CCDC69: variants seen among roughly 807,000 people sequenced by gnomAD.
CCDC69 encodes coiled-coil domain containing 69, also known as coiled-coil domain-containing protein 69.
Under a neutral mutation model 40.3 loss-of-function variants are expected in CCDC69, and 38 were observed. The observed-to-expected ratio is 0.94, with a 90% confidence interval of 0.73 to 1.24. CCDC69 has a LOEUF of 1.24. CCDC69 is among the 50% of genes most tolerant of loss of function. CCDC69 has a pLI of 0.00. For synonymous variants in CCDC69, 141 were observed against 138.9 expected (o/e 1.02, Z -0.11); for missense variants, 389 against 357.9 (o/e 1.09, Z -0.70).
chr5:151,191,584 C>T (rs1752611993), intron 4 of CCDC69, among the ~76,000 whole-genome samples: 1 of 152,188 alleles, frequency 6.6e-6, no homozygotes, highest in South Asian at 2.1e-4. Context: ...AATCTCCCAA[C>T]ACTTGGAAAT....
At chr5:151,202,191 A>T (rs1206784504) in intron 2 of CCDC69, among the ~76,000 whole-genome samples, 7 of 2,806 alleles carry the variant, frequency 2.5e-3, no homozygotes, top group Non-Finnish European at 7.7e-3. Flanking sequence ...CCCTATCTCT[A>T]AAAAAAAAAA....
intron 1 of CCDC69, among the ~76,000 whole-genome samples, chr5:151,221,403 CA>C (rs1466013461): frequency 7.2e-5 from 11 of 152,204 alleles, no homozygotes; most frequent in Admixed American, 7.2e-4. Context: ...CCTTCCAAAC[CA>C]CCCTTCCTCA....
chr5:151,219,625 G>C (rs1032884242), intron 1 of CCDC69, among the ~76,000 whole-genome samples: 7 of 152,084 alleles, frequency 4.6e-5, no homozygotes, highest in Non-Finnish European at 7.3e-5. Flanking sequence ...CATACTCTTA[G>C]CTTTATACAG....
chr5:151,219,843 T>A (rs886337802), intron 1 of CCDC69, among the ~76,000 whole-genome samples: 1 of 152,136 alleles, frequency 6.6e-6, no homozygotes, highest in African/African-American at 2.4e-5. Flanking sequence ...GTCGTAGGTT[T>A]GCATCCCCTC....
At chr5:151,218,420 A>C (rs1753084113) in intron 1 of CCDC69, among the ~76,000 whole-genome samples, 1 of 152,220 alleles carries the variant, frequency 6.6e-6, no homozygotes, top group South Asian at 2.1e-4. Flanking sequence ...GTGTGGACGG[A>C]AGCCCAAGTA....
intron 1 of CCDC69, among the ~76,000 whole-genome samples, chr5:151,207,226 A>C (rs1752865192): frequency 6.8e-6 from 1 of 146,292 alleles, no homozygotes; most frequent in African/African-American, 2.5e-5. Flanking sequence ...CCAAATGAGT[A>C]ATATTTTTTA....
chr5:151,204,607 T>C (rs937182232), intron 2 of CCDC69, among the ~76,000 whole-genome samples: 3 of 152,236 alleles, frequency 2.0e-5, no homozygotes, highest in Non-Finnish European at 2.9e-5. Context: ...AGGCTCATCT[T>C]TCTTCTCCAT....
chr5:151,189,579 T>G (rs1390684230), intron 4 of CCDC69, among the ~76,000 whole-genome samples: 1 of 147,972 alleles, frequency 6.8e-6, no homozygotes, highest in Non-Finnish European at 1.5e-5. Flanking sequence ...AAAAAAAAAA[T>G]TGAAGAAAGA....
chr5:151,187,828 G>C (rs423930), intron 4 of CCDC69, among the ~76,000 whole-genome samples: 96,599 of 152,054 alleles, frequency 0.64, 31,318 homozygotes, highest in Admixed American at 0.76. Flanking sequence ...CTGGATTAGC[G>C]AAATCACAAA....
At chr5:151,209,009 C>T (rs1752890890) in intron 1 of CCDC69, among the ~76,000 whole-genome samples, 1 of 152,224 alleles carries the variant, frequency 6.6e-6, no homozygotes. Context: ...AAGACACTGT[C>T]ACACTGTGCC....
At chr5:151,201,250 C>T (rs1167902803) in intron 3 of CCDC69, among the ~76,000 whole-genome samples, 1 of 152,168 alleles carries the variant, frequency 6.6e-6, no homozygotes, top group Non-Finnish European at 1.5e-5. Flanking sequence ...CTTTCTATAA[C>T]GCATCAGCCA....
intron 4 of CCDC69, among the ~76,000 whole-genome samples, chr5:151,194,764 G>A (rs55725441): frequency 0.013 from 2,004 of 152,002 alleles, 40 homozygotes; most frequent in African/African-American, 0.045. Flanking sequence ...ATAGTGGCAC[G>A]TGCCTGTAAT....
At chr5:151,209,173 T>C (rs555270429) in intron 1 of CCDC69, among the ~76,000 whole-genome samples, 1 of 152,348 alleles carries the variant, frequency 6.6e-6, no homozygotes, top group South Asian at 2.1e-4. Context: ...ATGCCTCGGA[T>C]TTCTCATGAG....
At chr5:151,223,883 C>G (rs248461) in intron 1 of CCDC69, 40 bp downstream of exon 1, 438,260 of 1,581,822 alleles carry the variant, frequency 0.28, 63,725 homozygotes, top group East Asian at 0.45. Context: ...CCGCACTCCC[C>G]TCTCCTCTGA....
In CCDC69 at chr5:151,208,911, A is replaced by T. The variant is rs34652918; in HGVS notation, c.49-3436T>A. ...TTAACTGGATGATCCCATAGTGTTC[A>T]AACTCTAAGCTCTCATCTCAGCTCC... On this transcript the variant is annotated intron_variant, in intron 1 of 8. Transcript: ENST00000355417. Among the ~76,000 whole-genome samples the T allele has an allele frequency of 7.8e-3, 1,184 of 152,296 alleles. 6 individuals are homozygous for T. The highest frequency in any genetic ancestry group is 0.013 in the Non-Finnish European group (908 of 68,020).
chr5:151,186,036 T>A lies in CCDC69; in HGVS notation c.482A>T (p.Lys161Met), dbSNP rs1752504364. 6.2e-7 allele frequency: 1 copy of A among 1,613,520 alleles called. No homozygotes were observed. Among genetic ancestry groups the A allele is most frequent in the African/African-American group, 1.3e-5 (1 of 74,900 alleles). Residue 161 changes from lysine (K) to methionine (M), a missense_variant, in exon 6 of 9, where the codon AAG (lysine) becomes ATG (methionine). Transcript: ENST00000355417. ...VEESILSRNY[K>M]KHIQDYGSPS... is the part of the protein sequence containing the mutation. Reference sequence around the variant, plus strand: ...GCTGCCACCTACCTGGATATGTTTCTTATAGTTTCGGCTCAGAATGGACTC... The same window carrying A: ...GCTGCCACCTACCTGGATATGTTTCATATAGTTTCGGCTCAGAATGGACTC...
Position 151,183,368 on chromosome 5 carries a change from T to C in CCDC69, c.*69A>G. On this transcript the variant is annotated 3_prime_UTR_variant, in exon 9 of 9. Transcript: ENST00000355417. The stretch of plus-strand genomic sequence containing the variant: ...TGGAAAAGAACTGAGAGGCTCCTGC[T>C]GTCTTCTCCAGAAAAACCTTGGAAG... 1 of 1,507,758 alleles carries C rather than the reference T, an allele frequency of 6.6e-7. No individual in the cohort carries two copies. The highest frequency in any genetic ancestry group is 1.2e-5 in the South Asian group (1 of 83,888). 93.4% of individuals were successfully genotyped at this position (1,507,758 alleles called of 1,614,324 possible).
chr5:151,212,796 T>A (rs1395619372), intron 1 of CCDC69: 1 of 456,124 alleles, frequency 2.2e-6, no homozygotes, highest in Middle Eastern at 3.3e-4. Context: ...GCGTGTCATC[T>A]ACAGCCTTGG....
Position 151,183,411 on chromosome 5 carries a change from GT to G in CCDC69, c.*25del, listed in dbSNP as rs764427483. The stretch of plus-strand genomic sequence containing the variant: ...CTTGGAAGGAGCTGTGACTTCAGGC[GT>G]CGTGGTGGGCCCAGGCCCTGCACCC... On this transcript the variant is annotated 3_prime_UTR_variant, in exon 9 of 9. Coordinates refer to ENST00000355417, the MANE Select transcript of CCDC69 (RefSeq NM_015621.3). 57 of 1,588,234 alleles carry G rather than the reference GT, an allele frequency of 3.6e-5. No homozygotes were observed. The highest frequency in any genetic ancestry group is 5.6e-5 in the Admixed American group (3 of 53,818).
Sources: allele counts gnomAD v4.1 joint callset (sites outside exome capture counted in the v4.1 genomes callset), GRCh38; gene constraint gnomAD v4.1.1; transcripts MANE v1.5; gene names NCBI Gene and HGNC (gene_info 2026-07-23, HGNC 2026-07-21).